TEX9: variants seen among roughly 807,000 people sequenced by gnomAD.
TEX9 encodes the protein testis-expressed protein 9.
In TEX9, 74 loss-of-function variants were observed where a neutral mutation model predicts 59.6. That is an observed-to-expected ratio of 1.24 (90% CI 1.03 to 1.51). TEX9 has a LOEUF of 1.51. Ranked by LOEUF, TEX9 falls within the 40% of genes most tolerant of loss-of-function variation. The probability of loss-of-function intolerance (pLI) is 0.00; values close to 1 mark genes in which losing one functional copy is unlikely to be tolerated. For synonymous variants in TEX9, 186 were observed against 152.2 expected (o/e 1.22, Z -1.64); for missense variants, 522 against 447.8 (o/e 1.17, Z -1.49).
At chr15:56,257,458 A>AT (rs1455970634) in intron 1 of TEX9, among the ~76,000 whole-genome samples, 1 of 151,966 alleles carries the variant, frequency 6.6e-6, no homozygotes, top group African/African-American at 2.4e-5. Context: ...AGCATCTGTT[A>AT]TTTTTTGACA....
chr15:56,255,217 G>A (rs781465711), intron 1 of TEX9, among the ~76,000 whole-genome samples: 19 of 152,104 alleles, frequency 1.2e-4, no homozygotes, highest in Non-Finnish European at 2.8e-4. Context: ...TAGATAATAT[G>A]TAAATGAATG....
At chr15:56,277,433 C>A (rs1279481424) in intron 1 of TEX9, among the ~76,000 whole-genome samples, 1 of 152,178 alleles carries the variant, frequency 6.6e-6, no homozygotes, top group African/African-American at 2.4e-5. Flanking sequence ...AGTAGGAAAT[C>A]CTTTCCCCAT....
upstream of TEX9, among the ~76,000 whole-genome samples, chr15:56,361,815 C>G (rs1451040464): frequency 6.6e-6 from 1 of 152,172 alleles, no homozygotes; most frequent in East Asian, 1.9e-4. Flanking sequence ...AGTGATGCAG[C>G]TGCAAGCCAA....
At chr15:56,421,837 G>A (rs1208796651) in intron 10 of TEX9, 2 of 151,506 alleles carry the variant, frequency 1.3e-5, no homozygotes, top group Non-Finnish European at 2.9e-5. Flanking sequence ...TGGTGTATAT[G>A]TACCACATTT....
the TEX9 span, among the ~76,000 whole-genome samples, chr15:56,453,131 A>G: frequency 2.6e-5 from 4 of 152,182 alleles, no homozygotes; most frequent in Non-Finnish European, 4.4e-5. Context: ...TTGACAATGC[A>G]AGATTCTTGA....
At chr15:56,388,033 C>T (rs1415182048) in intron 4 of TEX9, among the ~76,000 whole-genome samples, 2 of 151,956 alleles carry the variant, frequency 1.3e-5, no homozygotes, top group Admixed American at 6.6e-5. Flanking sequence ...ACAAGGCAGA[C>T]GTGATTTCTA....
chr15:56,458,533 T>C, the TEX9 span, among the ~76,000 whole-genome samples: 1 of 151,992 alleles, frequency 6.6e-6, no homozygotes, highest in Non-Finnish European at 1.5e-5. Context: ...CTATGGGTTT[T>C]GGCAATGCAT....
chr15:56,278,737 C>A (rs1039601371), intron 1 of TEX9, among the ~76,000 whole-genome samples: 1 of 151,962 alleles, frequency 6.6e-6, no homozygotes, highest in Admixed American at 6.6e-5. Flanking sequence ...AGGAAAGTTT[C>A]TCATAGGTTT....
intron 10 of TEX9, among the ~76,000 whole-genome samples, chr15:56,420,192 A>G (rs1164005354): frequency 6.6e-5 from 10 of 151,236 alleles, no homozygotes; most frequent in African/African-American, 9.8e-5. Context: ...GAGGTTTACT[A>G]ATTCTGGTTT....
chr15:56,258,277 AT>A (rs1403058188), intron 1 of TEX9, among the ~76,000 whole-genome samples: 1 of 151,798 alleles, frequency 6.6e-6, no homozygotes, highest in Non-Finnish European at 1.5e-5. Context: ...TTCAGGCTCT[AT>A]TTTGGTTCCA....
At chr15:56,427,894 T>G (rs2050389896) in intron 11 of TEX9, among the ~76,000 whole-genome samples, 155 bp downstream of exon 11, 1 of 152,044 alleles carries the variant, frequency 6.6e-6, no homozygotes, top group African/African-American at 2.4e-5. Context: ...AATCTAACAT[T>G]TATAGTGAGA....
intron 1 of TEX9, among the ~76,000 whole-genome samples, chr15:56,247,998 C>A (rs528832749): frequency 6.6e-6 from 1 of 152,310 alleles, no homozygotes; most frequent in Admixed American, 6.5e-5. Flanking sequence ...CCCAATTCTT[C>A]CTTGATAGCA....
At chr15:56,287,410 A>C (rs2044979631) in intron 1 of TEX9, among the ~76,000 whole-genome samples, 1 of 152,146 alleles carries the variant, frequency 6.6e-6, no homozygotes, top group Non-Finnish European at 1.5e-5. Context: ...TTTAATAGAC[A>C]AGTGAAAAAA....
upstream of TEX9, among the ~76,000 whole-genome samples, chr15:56,362,063 T>A (rs192645602): frequency 6.6e-6 from 1 of 152,322 alleles, no homozygotes; most frequent in East Asian, 1.9e-4. Flanking sequence ...TTAAAGTGTG[T>A]TATGGCTAGA....
Position 56,302,551 on chromosome 15 carries a change from A to G in TEX9, c.-107+58273A>G, listed in dbSNP as rs28827198. ...CAAAATAAAACAAAACAAACCTACG[A>G]AAGATACACAAAAAGTAAAAAGCAA... On this transcript the variant is annotated intron_variant, in intron 1 of 5. Coordinates refer to the TEX9 transcript ENST00000560827. 2.8e-3 allele frequency among the ~76,000 whole-genome samples: 432 copies of G among 152,222 alleles called. 1 individual carries two copies. The highest frequency in any genetic ancestry group is 9.8e-3 in the African/African-American group (409 of 41,554).
Position 56,438,746 on chromosome 15 carries a change from C to G in TEX9, c.*30-6925C>G, listed in dbSNP as rs140228592. ...GAGAAAATTTTTGCAATCTACCCAT[C>G]TGACCAAGGGGTAATATCCAGAATC... On this transcript the variant is annotated intron_variant, in intron 12 of 12. Transcript: ENST00000352903. Among the ~76,000 whole-genome samples, 191 of 152,320 alleles carry G rather than the reference C, an allele frequency of 1.3e-3. 1 individual carries two copies. The East Asian group carries it at 0.029, about 23-fold the overall frequency.
chr15:56,250,662 G>A (rs1274535660), intron 1 of TEX9, among the ~76,000 whole-genome samples: 1 of 152,092 alleles, frequency 6.6e-6, no homozygotes, highest in African/African-American at 2.4e-5. Context: ...ATTGGCTTAT[G>A]TGATTGTGAG....
At chr15:56,437,846 T>A (rs369518837) in intron 12 of TEX9, among the ~76,000 whole-genome samples, 1 of 152,074 alleles carries the variant, frequency 6.6e-6, no homozygotes, top group Admixed American at 6.5e-5. Context: ...AGCCAAATCA[T>A]GAGTGAACTC....
intron 12 of TEX9, 65 bp downstream of exon 12, chr15:56,430,219 T>A (rs575831448): frequency 6.6e-6 from 1 of 152,334 alleles, no homozygotes; most frequent in East Asian, 1.9e-4. Flanking sequence ...ATTACTTTTT[T>A]AAGACAAGAC....
Sources: allele counts gnomAD v4.1 joint callset (sites outside exome capture counted in the v4.1 genomes callset), GRCh38; gene constraint gnomAD v4.1.1; transcripts MANE v1.5; gene names NCBI Gene and HGNC (gene_info 2026-07-23, HGNC 2026-07-21).